IL4R: variants seen among roughly 807,000 people sequenced by gnomAD.
IL4R encodes the protein interleukin-4 receptor subunit alpha.
Under a neutral mutation model 41.5 loss-of-function variants are expected in IL4R, and 17 were observed. That is an observed-to-expected ratio of 0.41 (90% CI 0.28 to 0.61). The LOEUF is 0.61. IL4R is among the 20% of genes least tolerant of loss of function. The pLI, the probability that IL4R is intolerant of heterozygous loss-of-function variation, is 0.31. For synonymous variants in IL4R, 402 were observed against 422.9 expected (o/e 0.95, Z 0.61); for missense variants, 974 against 1,043.1 (o/e 0.93, Z 0.91).
At position 27,362,606 on chromosome 16, in the gene IL4R, G is replaced by A; in HGVS notation, c.1254G>A (p.Glu418=). 8.7e-6 allele frequency: 14 copies of A among 1,614,190 alleles called. No homozygotes were observed. Among genetic ancestry groups the A allele is most frequent in the Non-Finnish European group, 1.2e-5 (14 of 1,180,018 alleles). Residue 418 remains glutamate (E), a synonymous_variant, in exon 11 of 11, where the codon GAG becomes GAA. Transcript: ENST00000395762. ...TGTTCCTGGACCTGCTCGGAGAGGA[G>A]AATGGGGGCTTTTGCCAGCAGGACA... ...ESLFLDLLGE[E]NGGFCQQDMG...
At chr16:27,359,743 A>C in intron 9 of IL4R, 1 of 449,684 alleles carries the variant, frequency 2.2e-6, no homozygotes, top group Non-Finnish European at 4.5e-6. Flanking sequence ...AGATATTGGA[A>C]TTTATTGAGA....
intron 2 of IL4R, among the ~76,000 whole-genome samples, chr16:27,339,824 C>A (rs2085379742): frequency 6.6e-6 from 1 of 151,838 alleles, no homozygotes; most frequent in South Asian, 2.1e-4. Context: ...TTCGAGAAGA[C>A]CAGAGGGGCA....
chr16:27,331,489 T>G (rs536674246), intron 2 of IL4R, among the ~76,000 whole-genome samples: 2 of 152,274 alleles, frequency 1.3e-5, no homozygotes, highest in South Asian at 4.1e-4. Context: ...AAAGAAAACT[T>G]GGCATGTGGT....
chr16:27,360,791 G>T lies in IL4R; in HGVS notation c.875G>T (p.Arg292Leu). ...GGGTCACAGTGGGAGAAGCGGTCCC[G>T]AGGCCAGGAACCAGCCAAGTGCCCG... Reference protein sequence around the residue: ...AQGSQWEKRSRGQEPAKCPHW... With the variant: ...AQGSQWEKRSLGQEPAKCPHW... Residue 292 changes from arginine (R) to leucine (L), a missense_variant, in exon 10 of 11, where the codon CGA becomes CTA. Arg to Leu is a moderately radical substitution (Grantham distance 102). Transcript: ENST00000395762. 1.2e-6 allele frequency: 2 copies of T among 1,614,130 alleles called. No homozygotes were observed. Among genetic ancestry groups the T allele is most frequent in the Non-Finnish European group, 1.7e-6 (2 of 1,180,028 alleles).
At position 27,314,732 on chromosome 16, in the gene IL4R, A is replaced by G. The variant is rs562095843; in HGVS notation, c.-152+712A>G. Among the ~76,000 whole-genome samples the G allele has an allele frequency of 1.1e-4, 17 of 152,168 alleles. No homozygotes were observed. The South Asian group carries it at 3.5e-3, about 32-fold the overall frequency. Reference sequence around the variant, plus strand: ...GCCAGCTGCTCTCCATCTCTCAATCACGTTTGAGGAGCCCCCACAATAACC... The same window carrying G: ...GCCAGCTGCTCTCCATCTCTCAATCGCGTTTGAGGAGCCCCCACAATAACC... On this transcript the variant is annotated intron_variant, in intron 1 of 10. Transcript: ENST00000395762.
intron 7 of IL4R, among the ~76,000 whole-genome samples, chr16:27,353,668 A>T (rs1371522513): frequency 6.6e-6 from 1 of 152,002 alleles, no homozygotes; most frequent in African/African-American, 2.4e-5. Context: ...TATTTTTAAA[A>T]TTTTAAAATA....
chr16:27,317,021 A>T (rs1277417110), intron 1 of IL4R, among the ~76,000 whole-genome samples: 5 of 151,526 alleles, frequency 3.3e-5, no homozygotes, highest in African/African-American at 1.2e-4. Flanking sequence ...CTTCCACCTC[A>T]GCCTCCTGAG....
chr16:27,353,020 T>C (rs187413740), intron 7 of IL4R, among the ~76,000 whole-genome samples: 8 of 152,378 alleles, frequency 5.3e-5, no homozygotes, highest in Non-Finnish European at 1.2e-4. Context: ...CATCTTGTGG[T>C]GCCGTCATTC....
intron 6 of IL4R, among the ~76,000 whole-genome samples, chr16:27,349,449 T>A (rs1360781622): frequency 6.6e-6 from 1 of 152,122 alleles, no homozygotes; most frequent in African/African-American, 2.4e-5. Flanking sequence ...AGGGGGAGTT[T>A]TGGCTTGGGC....
At chr16:27,338,852 T>C (rs1373923723) in intron 2 of IL4R, among the ~76,000 whole-genome samples, 2 of 151,912 alleles carry the variant, frequency 1.3e-5, no homozygotes, top group African/African-American at 4.8e-5. Context: ...AATTTATTTA[T>C]TTATTATTTA....
chr16:27,314,474 C>T (rs1482818378), intron 1 of IL4R, among the ~76,000 whole-genome samples: 2 of 152,240 alleles, frequency 1.3e-5, no homozygotes, highest in Non-Finnish European at 2.9e-5. Flanking sequence ...CGGTCTCCGC[C>T]TCCGAATATC....
At chr16:27,362,160 C>G in intron 10 of IL4R, 92 bp from the exon 11 acceptor site, 1 of 1,228,918 alleles carries the variant, frequency 8.1e-7, no homozygotes, top group East Asian at 2.3e-5. Flanking sequence ...AGACAGCCAT[C>G]AGGACATGGT....
chr16:27,362,604 G>A lies in IL4R; in HGVS notation c.1252G>A (p.Glu418Lys). ...CCTGTTCCTGGACCTGCTCGGAGAG[G>A]AGAATGGGGGCTTTTGCCAGCAGGA... The part of the protein sequence containing the change: ...ESLFLDLLGE[E>K]NGGFCQQDMG... Residue 418 changes from glutamate to lysine, a missense_variant, in exon 11 of 11, where the codon GAG (glutamate) becomes AAG (lysine). Transcript: ENST00000395762. 1 of 1,614,156 alleles carries A rather than the reference G, an allele frequency of 6.2e-7. No individual in the cohort carries two copies. The highest frequency in any genetic ancestry group is 8.5e-7 in the Non-Finnish European group (1 of 1,180,014).
In IL4R at chr16:27,344,893, C is replaced by A; in HGVS notation, c.234C>A (p.Asn78Lys). ...LSEAHTCIPENNGGAGCVCHL... is the reference protein window; with the variant it reads ...LSEAHTCIPEKNGGAGCVCHL... The stretch of plus-strand genomic sequence containing the variant: ...GAGCCCACACGTGTATCCCTGAGAA[C>A]AACGGAGGCGCGGGGTGCGTGTGCC... Residue 78 changes from asparagine to lysine, a missense_variant, in exon 5 of 11, where the codon AAC becomes AAA. Transcript: ENST00000395762. The A allele has an allele frequency of 6.2e-7, 1 of 1,614,228 alleles. No homozygotes were observed.
intron 6 of IL4R, among the ~76,000 whole-genome samples, chr16:27,346,848 GCTC>G (rs2085664890): frequency 6.6e-6 from 1 of 152,192 alleles, no homozygotes; most frequent in Non-Finnish European, 1.5e-5. Flanking sequence ...TCTGCATGCC[GCTC>G]CTCCTCTGTA....
At position 27,362,938 on chromosome 16, in the gene IL4R, A is replaced by T. The variant is rs2086355391; in HGVS notation, c.1586A>T (p.Glu529Val). The T allele has an allele frequency of 6.2e-7, 1 of 1,614,134 alleles. No homozygotes were observed. The highest frequency in any genetic ancestry group is 2.2e-5 in the East Asian group (1 of 44,886). Residue 529 changes from glutamate (E) to valine (V), a missense_variant, in exon 11 of 11, where the codon GAG (glutamate) becomes GTG (valine). By Grantham distance (121) the Glu-to-Val change is moderately radical (BLOSUM62 -2). Transcript: ENST00000395762. ...LARHLEEVEP[E>V]MPCVPQLSEP... ...AGACACCTGGAGGAAGTAGAACCCG[A>T]GATGCCCTGTGTCCCCCAGCTCTCT...
rs2085581131 is a variant in IL4R, at chr16:27,344,857, CT to C, written c.210-11del. On this transcript the variant is annotated splice_polypyrimidine_tract_variant and intron_variant, in intron 4 of 10. Transcript: ENST00000395762. ...ACAGGTGACCAGCCTAACCCAGCCC[CT>C]GTGTCTGCAGAGCCCACACGTGTAT... 3 of 1,613,932 alleles carry C rather than the reference CT, an allele frequency of 1.9e-6. No individual in the cohort carries two copies. In the Admixed American group the frequency reaches 5.0e-5, roughly 27 times the overall value.
chr16:27,354,932 T>C, intron 7 of IL4R: 4 of 435,292 alleles, frequency 9.2e-6, no homozygotes, highest in South Asian at 6.4e-5. Context: ...AAGTTTTGAA[T>C]TGATTCTCAT....
intron 8 of IL4R, among the ~76,000 whole-genome samples, chr16:27,357,512 G>A (rs2891058): frequency 0.71 from 108,659 of 152,088 alleles, 42,893 homozygotes; most frequent in East Asian, 0.91. Flanking sequence ...AAACCAAGCT[G>A]GAGTGCAGTG....
Sources: allele counts gnomAD v4.1 joint callset (sites outside exome capture counted in the v4.1 genomes callset), GRCh38; gene constraint gnomAD v4.1.1; transcripts MANE v1.5; gene names NCBI Gene and HGNC (gene_info 2026-07-23, HGNC 2026-07-21).